The following RABGAP1L variants were observed in gnomAD, a reference collection of about 807,000 sequenced individuals.
The protein encoded by RABGAP1L is RAB GTPase activating protein 1 like, also known as rab GTPase-activating protein 1-like.
RABGAP1L carries 63 observed loss-of-function variants against 137.7 expected under a neutral mutation model. The ratio of observed to expected loss-of-function variants is 0.46; its 90% confidence interval spans 0.37 to 0.56. The LOEUF is 0.56. Ranked by LOEUF, RABGAP1L falls within the 20% of genes least tolerant of loss-of-function variation. The probability of loss-of-function intolerance (pLI) is 0.00; values close to 1 mark genes in which losing one functional copy is unlikely to be tolerated. For synonymous variants in RABGAP1L, 431 were observed against 433.7 expected (o/e 0.99, Z 0.08); for missense variants, 1,095 against 1,244.0 (o/e 0.88, Z 1.80).
chr1:174,238,459 C>T (rs1250700506), intron 4 of RABGAP1L, among the ~76,000 whole-genome samples: 1 of 152,074 alleles, frequency 6.6e-6, no homozygotes, highest in Non-Finnish European at 1.5e-5. Flanking sequence ...TGTGGATGTC[C>T]TTTCTGTTTT....
At chr1:174,970,689 A>G (rs1352491737) in intron 21 of RABGAP1L, among the ~76,000 whole-genome samples, 2 of 152,150 alleles carry the variant, frequency 1.3e-5, no homozygotes, top group African/African-American at 4.8e-5. Flanking sequence ...AGGAAACTAT[A>G]TAGATGAGGA....
At chr1:174,638,985 A>G (rs1020473761) in intron 14 of RABGAP1L, among the ~76,000 whole-genome samples, 1 of 148,376 alleles carries the variant, frequency 6.7e-6, no homozygotes, top group South Asian at 2.2e-4. Flanking sequence ...ATGTATACAT[A>G]TGTATCTAAC....
intron 13 of RABGAP1L, among the ~76,000 whole-genome samples, chr1:174,467,230 G>A (rs1489395803): frequency 6.6e-6 from 1 of 152,040 alleles, no homozygotes; most frequent in African/African-American, 2.4e-5. Context: ...TTTACTAGAT[G>A]AAGCATCAAT....
chr1:174,977,944 A>G (rs1312901042), intron 22 of RABGAP1L, among the ~76,000 whole-genome samples: 1 of 152,238 alleles, frequency 6.6e-6, no homozygotes, highest in East Asian at 1.9e-4. Flanking sequence ...TGAACTAGCA[A>G]TTACAGAGTA....
intron 16 of RABGAP1L, chr1:174,701,269 A>G: frequency 8.5e-7 from 1 of 1,174,246 alleles, no homozygotes; most frequent in Non-Finnish European, 1.1e-6. Context: ...CCAATTTTAT[A>G]TATTATACCT....
chr1:174,300,865 CAAAT>C (rs1481794879), intron 10 of RABGAP1L, among the ~76,000 whole-genome samples: 5 of 152,078 alleles, frequency 3.3e-5, no homozygotes, highest in South Asian at 2.1e-4. Flanking sequence ...GACTCTATCT[CAAAT>C]GAATGAATGA....
chr1:174,820,147 G>C (rs1418082179), intron 19 of RABGAP1L, among the ~76,000 whole-genome samples: 1 of 152,184 alleles, frequency 6.6e-6, no homozygotes, highest in African/African-American at 2.4e-5. Flanking sequence ...ACAGTGTTTT[G>C]TAATTTTCTT....
chr1:174,401,779 G>A lies in RABGAP1L; in HGVS notation c.1710+7634G>A, dbSNP rs115722131. ...ATAGTCAAAAAGGCAAAGAAGCAGC[G>A]ATAACATGGTTAAGCACTGTGACAC... On this transcript the variant is annotated intron_variant, in intron 13 of 25. Transcript: ENST00000681986. Among the ~76,000 whole-genome samples the A allele has an allele frequency of 4.3e-3, 656 of 152,278 alleles. 5 individuals are homozygous for A. Among genetic ancestry groups the A allele is most frequent in the African/African-American group, 0.012 (510 of 41,572 alleles).
intron 17 of RABGAP1L, among the ~76,000 whole-genome samples, chr1:174,714,469 A>G (rs1204174819): frequency 6.6e-6 from 1 of 152,250 alleles, no homozygotes; most frequent in Non-Finnish European, 1.5e-5. Context: ...GACATACTCA[A>G]AGTATCTGTT....
chr1:174,491,191 G>C (rs759491807), intron 13 of RABGAP1L, among the ~76,000 whole-genome samples: 3 of 152,042 alleles, frequency 2.0e-5, no homozygotes, highest in Non-Finnish European at 4.4e-5. Context: ...CTCACCTGAA[G>C]CCAACATGTC....
intron 14 of RABGAP1L, among the ~76,000 whole-genome samples, chr1:174,678,720 T>G (rs1229073768): frequency 6.6e-6 from 1 of 152,192 alleles, no homozygotes; most frequent in East Asian, 1.9e-4. Context: ...GCCTCACGGC[T>G]TCCAAGAAAT....
chr1:174,542,061 T>G (rs1349332596), intron 13 of RABGAP1L, among the ~76,000 whole-genome samples: 1 of 152,156 alleles, frequency 6.6e-6, no homozygotes, highest in Middle Eastern at 3.2e-3. Flanking sequence ...TCTCTTTTTT[T>G]GTTGTGTCTC....
chr1:174,738,052 C>G (rs1683098059), intron 17 of RABGAP1L, among the ~76,000 whole-genome samples: 1 of 152,112 alleles, frequency 6.6e-6, no homozygotes, highest in South Asian at 2.1e-4. Context: ...TTGGAAGGGA[C>G]AGAAATCCCC....
At chr1:174,940,266 CTT>C (rs531025242) in intron 19 of RABGAP1L, among the ~76,000 whole-genome samples, 6 of 140,762 alleles carry the variant, frequency 4.3e-5, no homozygotes, top group Admixed American at 1.4e-4. Context: ...TTGTTTGTTT[CTT>C]TTTTTTTTTT....
At chr1:174,727,286 A>G (rs1316543120) in intron 17 of RABGAP1L, among the ~76,000 whole-genome samples, 1 of 152,224 alleles carries the variant, frequency 6.6e-6, no homozygotes, top group African/African-American at 2.4e-5. Flanking sequence ...TCATTGCTAT[A>G]GGATCATAAA....
chr1:174,704,450 G>T (rs1679898086), intron 17 of RABGAP1L, among the ~76,000 whole-genome samples: 1 of 152,184 alleles, frequency 6.6e-6, no homozygotes, highest in African/African-American at 2.4e-5. Context: ...CTGGTCTTTT[G>T]CTCTTCAGTG....
At chr1:174,833,322 C>T (rs1389070105) in intron 19 of RABGAP1L, among the ~76,000 whole-genome samples, 1 of 149,460 alleles carries the variant, frequency 6.7e-6, no homozygotes, top group African/African-American at 2.5e-5. Context: ...ATCACAGCTA[C>T]TGGAGTAGCT....
chr1:174,486,471 C>T (rs1466675990), intron 13 of RABGAP1L, among the ~76,000 whole-genome samples: 8 of 151,364 alleles, frequency 5.3e-5, no homozygotes, highest in Non-Finnish European at 8.8e-5. Context: ...CTCAGCCTCC[C>T]GAGTAGCTGG....
At chr1:174,177,873 G>T (rs1666018723) in intron 1 of RABGAP1L, among the ~76,000 whole-genome samples, 1 of 152,128 alleles carries the variant, frequency 6.6e-6, no homozygotes, top group African/African-American at 2.4e-5. Flanking sequence ...ATGCTGTTTT[G>T]GTTACTGTAG....
Sources: gnomAD v4.1 joint callset for allele counts (sites outside exome capture counted in the v4.1 genomes callset) on GRCh38, gnomAD v4.1.1 for gene constraint, MANE v1.5 for transcripts, NCBI Gene and HGNC (gene_info 2026-07-23, HGNC 2026-07-21) for gene names.